SUMF1: variants seen among roughly 807,000 people sequenced by gnomAD.
SUMF1 encodes the protein formylglycine-generating enzyme.
Under a neutral mutation model 47.6 loss-of-function variants are expected in SUMF1, and 48 were observed. That is an observed-to-expected ratio of 1.01 (90% confidence interval 0.80 to 1.28). The LOEUF is 1.28. Ranked by LOEUF, SUMF1 falls within the 50% of genes most tolerant of loss-of-function variation. The pLI is 0.00. For synonymous variants in SUMF1, 230 were observed against 192.1 expected (o/e 1.20, Z -1.63); for missense variants, 571 against 485.4 (o/e 1.18, Z -1.66).
chr3:4,184,225 G>T (rs527835409), intron 8 of SUMF1, among the ~76,000 whole-genome samples: 1 of 152,018 alleles, frequency 6.6e-6, no homozygotes, highest in African/African-American at 2.4e-5. Context: ...GGAGGCTGAG[G>T]TGGGCAGATC....
intron 8 of SUMF1, among the ~76,000 whole-genome samples, chr3:4,355,918 G>A (rs951230794): frequency 2.6e-5 from 4 of 152,138 alleles, no homozygotes; most frequent in Admixed American, 6.5e-5. Context: ...GAAAAATTCC[G>A]CCCCCTTGGT....
At chr3:4,362,436 C>T (rs1395749262) in intron 8 of SUMF1, among the ~76,000 whole-genome samples, 182 bp from the exon 9 acceptor site, 1 of 152,166 alleles carries the variant, frequency 6.6e-6, no homozygotes, top group Non-Finnish European at 1.5e-5. Flanking sequence ...TATTTTCCAA[C>T]GTCCTTCACC....
At chr3:4,236,637 G>A (rs905112800) in intron 8 of SUMF1, among the ~76,000 whole-genome samples, 2 of 152,048 alleles carry the variant, frequency 1.3e-5, no homozygotes, top group Middle Eastern at 3.4e-3. Context: ...AGCAGTTTTA[G>A]GTTCACAGCA....
At chr3:4,331,241 A>T (rs1699046836) in intron 8 of SUMF1, among the ~76,000 whole-genome samples, 1 of 151,930 alleles carries the variant, frequency 6.6e-6, no homozygotes, top group Non-Finnish European at 1.5e-5. Context: ...AAAAACCTTT[A>T]AACTAGGCAA....
At chr3:4,295,069 A>G (rs1017881457) in intron 8 of SUMF1, among the ~76,000 whole-genome samples, 5 of 152,118 alleles carry the variant, frequency 3.3e-5, no homozygotes, top group Admixed American at 2.0e-4. Context: ...ATAATTATAA[A>G]TCATCAACAT....
In SUMF1 at chr3:4,347,109, G is replaced by A. The variant is rs140404143; in HGVS notation, c.1014+29221C>T. On this transcript the variant is annotated intron_variant and NMD_transcript_variant, in intron 8 of 12. Transcript: ENST00000448413. The stretch of plus-strand genomic sequence containing the variant: ...AGCTGGATTTTACCAGAAATACAAA[G>A]AGGAGCTGGTACCATTCCTTCTGAA... 1.4e-4 allele frequency among the ~76,000 whole-genome samples: 21 copies of A among 152,338 alleles called. No individual in the cohort carries two copies. The East Asian group carries it at 3.9e-3, about 28-fold the overall frequency.
chr3:4,358,123 C>A (rs1699662701), downstream of SUMF1, among the ~76,000 whole-genome samples: 1 of 151,960 alleles, frequency 6.6e-6, no homozygotes, highest in African/African-American at 2.4e-5. Context: ...AGAAAAGGTC[C>A]CTCCTGATTA....
At chr3:4,305,226 C>G (rs1051034873) in intron 8 of SUMF1, among the ~76,000 whole-genome samples, 1 of 152,150 alleles carries the variant, frequency 6.6e-6, no homozygotes, top group Admixed American at 6.5e-5. Flanking sequence ...GCTGGAATTA[C>G]AGGCGCCTAC....
rs561666841 is a variant in SUMF1, at chr3:4,063,472, T to C, written c.1191+5097A>G. ...CCCCAAAGTGAACATGGGATGTATG[T>C]TATATATATATTTACCCGTCAGGCA... On this transcript the variant is annotated intron_variant and NMD_transcript_variant, in intron 9 of 12. Coordinates refer to the SUMF1 transcript ENST00000448413. Among the ~76,000 whole-genome samples the C allele has an allele frequency of 2.0e-5, 3 of 152,156 alleles. No homozygotes were observed. The South Asian group carries it at 6.2e-4, about 32-fold the overall frequency.
intron 7 of SUMF1, 75 bp downstream of exon 7, chr3:4,410,790 T>A: frequency 7.5e-7 from 1 of 1,327,152 alleles, no homozygotes; most frequent in South Asian, 1.2e-5. Flanking sequence ...CGGAAACACA[T>A]GACAGCCTGG....
chr3:4,113,204 G>A (rs77937074), intron 8 of SUMF1, among the ~76,000 whole-genome samples: 7,647 of 152,124 alleles, frequency 0.05, 522 homozygotes, highest in East Asian at 0.16. Context: ...TGTTGGGAAC[G>A]TTTCAAGATC....
intron 8 of SUMF1, among the ~76,000 whole-genome samples, chr3:4,091,077 T>TA (rs770454782): frequency 1.4e-5 from 2 of 145,636 alleles, no homozygotes; most frequent in Non-Finnish European, 3.0e-5. Context: ...CGAGACTCCA[T>TA]AAAAAACAAC....
chr3:4,413,165 C>T (rs73125447), intron 6 of SUMF1, among the ~76,000 whole-genome samples: 12,627 of 151,966 alleles, frequency 0.083, 1,551 homozygotes, highest in African/African-American at 0.27. Flanking sequence ...CCACCACAAC[C>T]GACTAATTTT....
chr3:4,271,519 A>ATAGG (rs1163605070), intron 8 of SUMF1, among the ~76,000 whole-genome samples: 1,312 of 83,434 alleles, frequency 0.016, 17 homozygotes, highest in African/African-American at 0.023. Flanking sequence ...AGATAGATAG[A>ATAGG]TACAGAGAGG....
At position 4,210,815 on chromosome 3, in the gene SUMF1, T is replaced by A. The variant is rs114510136; in HGVS notation, c.1015-142070A>T. On this transcript the variant is annotated intron_variant and NMD_transcript_variant, in intron 8 of 12. Transcript: ENST00000448413. ...GGTGTTCCCAAAGGAGATTAACATT[T>A]GTGTCGCTGGGCTGGGAAAGGCAGA... 7.8e-3 allele frequency among the ~76,000 whole-genome samples: 1,181 copies of A among 151,990 alleles called. 5 individuals carry two copies. The highest frequency in any genetic ancestry group is 0.024 in the Middle Eastern group (7 of 294).
At chr3:4,178,133 T>G (rs1695009047) in intron 8 of SUMF1, among the ~76,000 whole-genome samples, 1 of 152,194 alleles carries the variant, frequency 6.6e-6, no homozygotes. Flanking sequence ...TTAGTACCAT[T>G]TCTTCTGGAA....
chr3:4,137,929 ACAC>A (rs1693980795), intron 8 of SUMF1, among the ~76,000 whole-genome samples: 2 of 152,094 alleles, frequency 1.3e-5, no homozygotes, highest in South Asian at 2.1e-4. Context: ...ACACACACAC[ACAC>A]ATTATTAGAA....
At chr3:4,361,018 T>C (rs1424081060), downstream of SUMF1, 3 of 152,174 alleles carry the variant, frequency 2.0e-5, no homozygotes, top group South Asian at 2.1e-4. Context: ...ATTACCCACA[T>C]ATCAAAGTTA....
chr3:4,320,362 T>A lies in SUMF1; in HGVS notation c.1014+55968A>T, dbSNP rs543582381. On this transcript the variant is annotated intron_variant and NMD_transcript_variant, in intron 8 of 12. Coordinates refer to the SUMF1 transcript ENST00000448413. ...GATACAAGTTGTTTCCCATGGGGGTTATAGGGAAGCTTAAACATTCCCTCT... is the reference window on the plus strand; with the variant it reads ...GATACAAGTTGTTTCCCATGGGGGTAATAGGGAAGCTTAAACATTCCCTCT... Among the ~76,000 whole-genome samples, 13 of 152,314 alleles carry A rather than the reference T, an allele frequency of 8.5e-5. No homozygotes were observed. The East Asian group carries it at 2.1e-3, about 25-fold the overall frequency.
Sources: gnomAD v4.1 joint callset for allele counts (sites outside exome capture counted in the v4.1 genomes callset) on GRCh38, gnomAD v4.1.1 for gene constraint, MANE v1.5 for transcripts, NCBI Gene and HGNC (gene_info 2026-07-23, HGNC 2026-07-21) for gene names.